Variants in NFATC1 observed in about 807,000 individuals in gnomAD.
NFATC1 encodes the protein nuclear factor of activated T cells 1.
Under a neutral mutation model 76.0 loss-of-function variants are expected in NFATC1, and 22 were observed. The observed-to-expected ratio is 0.29, with a 90% CI of 0.21 to 0.41. NFATC1 has a LOEUF of 0.41. Among genes scored for constraint, NFATC1 ranks in the 10% least tolerant of loss-of-function variants. The pLI is 1.00. For synonymous variants in NFATC1, 704 were observed against 613.1 expected (o/e 1.15, Z -2.19); for missense variants, 1,357 against 1,337.7 (o/e 1.01, Z -0.23).
chr18:79,482,456 G>A (rs1312300231), intron 8 of NFATC1, among the ~76,000 whole-genome samples: 12 of 129,224 alleles, frequency 9.3e-5, no homozygotes, highest in Non-Finnish European at 9.7e-5. Flanking sequence ...TCATTCCAGC[G>A]TGACCTGGTT....
intron 2 of NFATC1, among the ~76,000 whole-genome samples, 187 bp downstream of exon 2, chr18:79,411,688 G>A (rs2085691846): frequency 6.6e-6 from 1 of 152,188 alleles, no homozygotes; most frequent in South Asian, 2.1e-4. Context: ...GCCTCCTCAT[G>A]CAGACTTTTC....
intron 2 of NFATC1, among the ~76,000 whole-genome samples, chr18:79,423,423 C>T (rs991698414): frequency 1.2e-4 from 19 of 152,358 alleles, no homozygotes; most frequent in African/African-American, 2.9e-4. Flanking sequence ...CCAAAGGCGG[C>T]GTCCTGGGCT....
chr18:79,401,037 C>T (rs1031637406), intron 1 of NFATC1, among the ~76,000 whole-genome samples: 1 of 138,540 alleles, frequency 7.2e-6, no homozygotes, highest in African/African-American at 2.7e-5. Flanking sequence ...ACCATGACCC[C>T]AGCCTTTTCT....
intron 6 of NFATC1, among the ~76,000 whole-genome samples, chr18:79,455,853 G>T (rs535764861): frequency 6.6e-6 from 1 of 152,090 alleles, no homozygotes; most frequent in African/African-American, 2.4e-5. Flanking sequence ...AGGCCTGTGG[G>T]CAGGCACTAG....
At chr18:79,481,076 C>T (rs1327297542) in intron 8 of NFATC1, among the ~76,000 whole-genome samples, 1 of 152,258 alleles carries the variant, frequency 6.6e-6, no homozygotes, top group Non-Finnish European at 1.5e-5. Flanking sequence ...GGGCCTGTTT[C>T]CAGTGACCCC....
At chr18:79,419,191 T>C (rs73492197) in intron 2 of NFATC1, among the ~76,000 whole-genome samples, 1,595 of 152,094 alleles carry the variant, frequency 0.01, 30 homozygotes, top group African/African-American at 0.036. Flanking sequence ...ACCTGGCTAA[T>C]TGTTTAAGTT....
At chr18:79,429,820 C>T (rs1460183748) in intron 2 of NFATC1, among the ~76,000 whole-genome samples, 3 of 152,266 alleles carry the variant, frequency 2.0e-5, no homozygotes, top group Admixed American at 2.0e-4. Flanking sequence ...ACTAAATCTG[C>T]AAATGATTCC....
intron 9 of NFATC1, among the ~76,000 whole-genome samples, chr18:79,509,437 G>T (rs1394710254): frequency 6.6e-6 from 1 of 152,224 alleles, no homozygotes; most frequent in Non-Finnish European, 1.5e-5. Context: ...GCGGCGAGGG[G>T]GTTGGCCATG....
chr18:79,426,257 C>T (rs925431501), intron 2 of NFATC1, among the ~76,000 whole-genome samples: 2 of 151,576 alleles, frequency 1.3e-5, no homozygotes, highest in Non-Finnish European at 2.9e-5. Flanking sequence ...TTTCCTCCCC[C>T]TCTGTCCCAG....
intron 9 of NFATC1, among the ~76,000 whole-genome samples, chr18:79,505,720 G>A (rs2090105535): frequency 6.9e-6 from 1 of 144,436 alleles, no homozygotes. Flanking sequence ...CTTGGGTGAG[G>A]GAAGAGGCAG....
rs1487413006 is a variant in NFATC1, at chr18:79,486,546, C to A, written c.2391C>A (p.Ala797=). 14 of 1,596,032 alleles carry A rather than the reference C, an allele frequency of 8.8e-6. No homozygotes were observed. The highest frequency in any genetic ancestry group is 1.2e-5 in the Non-Finnish European group (14 of 1,176,592). ...HLGLPQPAGE[A]PAVQDVPRPV... ...GACTCCCGCAGCCGGCCGGAGAGGC[C>A]CCCGCCGTCCAGGACGTGCCCAGGC... The change falls in exon 9 of 10, where the codon GCC becomes GCA. Residue 797 remains alanine, a synonymous_variant. Coordinates refer to ENST00000427363, the MANE Select transcript of NFATC1 (RefSeq NM_001278669.2).
At chr18:79,474,837 C>T (rs2088978715) in intron 8 of NFATC1, among the ~76,000 whole-genome samples, 2 of 144,914 alleles carry the variant, frequency 1.4e-5, no homozygotes, top group East Asian at 2.1e-4. Flanking sequence ...TGTTCTCACG[C>T]TCGCTGTCAA....
intron 8 of NFATC1, among the ~76,000 whole-genome samples, chr18:79,483,105 ACCTGGTTCCTGGGGTGTAATTCCAGCG>A (rs2089354774): frequency 1.0e-5 from 1 of 99,242 alleles, no homozygotes; most frequent in Non-Finnish European, 2.0e-5. Context: ...TTCCAGCGTG[ACCTGGTTCCTGGGGTGTAATTCCAGCG>A]TGACCTGGTT....
At chr18:79,508,335 TG>T (rs1361894836) in intron 9 of NFATC1, among the ~76,000 whole-genome samples, 1 of 152,108 alleles carries the variant, frequency 6.6e-6, no homozygotes, top group Admixed American at 6.5e-5. Flanking sequence ...CGTCGTCACC[TG>T]GCAGTTCGCT....
At chr18:79,505,924 T>G (rs1600951286) in intron 9 of NFATC1, among the ~76,000 whole-genome samples, 1 of 151,954 alleles carries the variant, frequency 6.6e-6, no homozygotes, top group African/African-American at 2.4e-5. Context: ...TGGGAAGAGG[T>G]GGTGGACGAG....
At chr18:79,400,561 G>C (rs1394896944) in intron 1 of NFATC1, 132 of 1,203,972 alleles carry the variant, frequency 1.1e-4, no homozygotes, top group Non-Finnish European at 1.4e-4. Context: ...CGTCCTCGTC[G>C]CTCCCCGGGG....
At chr18:79,430,407 G>A (rs775086280) in intron 2 of NFATC1, among the ~76,000 whole-genome samples, 26 of 152,140 alleles carry the variant, frequency 1.7e-4, no homozygotes, top group Non-Finnish European at 3.7e-4. Flanking sequence ...TTTTGAGATG[G>A]AGTCTCACTC....
At chr18:79,456,732 T>C (rs2087749162) in intron 6 of NFATC1, among the ~76,000 whole-genome samples, 1 of 151,904 alleles carries the variant, frequency 6.6e-6, no homozygotes, top group South Asian at 2.1e-4. Context: ...AGGTGGGTGG[T>C]GGGGTCTGTG....
intron 8 of NFATC1, chr18:79,467,848 A>G (rs1414271982): frequency 7.6e-6 from 9 of 1,184,806 alleles, no homozygotes; most frequent in Non-Finnish European, 9.4e-6. Context: ...TTGCGAATGT[A>G]TAACAGCCAA....
Sources: gnomAD v4.1 joint callset for allele counts (sites outside exome capture counted in the v4.1 genomes callset) on GRCh38, gnomAD v4.1.1 for gene constraint, MANE v1.5 for transcripts, NCBI Gene and HGNC (gene_info 2026-07-23, HGNC 2026-07-21) for gene names.